VEPH1: variants seen among roughly 807,000 people sequenced by gnomAD.
VEPH1 encodes ventricular zone-expressed PH domain-containing protein homolog 1.
In VEPH1, 80 loss-of-function variants were observed where a neutral mutation model predicts 85.2. The ratio of observed to expected loss-of-function variants is 0.94; its 90% CI spans 0.78 to 1.13. The LOEUF (loss-of-function observed/expected upper bound fraction) is 1.13. VEPH1 is among the 50% of genes most tolerant of loss of function. VEPH1 has a pLI of 0.00. For missense variants in VEPH1, 955 were observed against 980.5 expected, an observed-to-expected ratio of 0.97 and a Z score of 0.35; for synonymous variants, 297 against 348.0, an observed-to-expected ratio of 0.85 and a Z score of 1.63.
rs190851820 is a variant in VEPH1, at chr3:157,485,483, C to T, written c.138+9729G>A. Among the ~76,000 whole-genome samples the T allele has an allele frequency of 6.6e-5, 10 of 152,046 alleles. No homozygotes were observed. In the East Asian group the frequency reaches 1.4e-3, roughly 21 times the overall value. Reference sequence around the variant, plus strand: ...AGTATGTTTGCTAAAATGTTAAAGGCAACTATATTAAAATAATAGAAATAG... The same window carrying T: ...AGTATGTTTGCTAAAATGTTAAAGGTAACTATATTAAAATAATAGAAATAG... On this transcript the variant is annotated intron_variant, in intron 2 of 13. Transcript: ENST00000362010.
intron 2 of VEPH1, among the ~76,000 whole-genome samples, chr3:157,483,147 C>A (rs1224241864): frequency 6.6e-6 from 1 of 151,668 alleles, no homozygotes; most frequent in African/African-American, 2.4e-5. Context: ...CACACACACA[C>A]ACACACAATG....
chr3:157,262,537 A>G (rs1559905134), intron 13 of VEPH1, among the ~76,000 whole-genome samples: 2 of 151,804 alleles, frequency 1.3e-5, no homozygotes, highest in Non-Finnish European at 1.5e-5. Flanking sequence ...CAGAAACATG[A>G]TTTAAAAAAA....
At chr3:157,495,170 C>G in intron 2 of VEPH1, 42 bp downstream of exon 2, 1 of 1,590,638 alleles carries the variant, frequency 6.3e-7, no homozygotes, top group East Asian at 2.2e-5. Context: ...AGCTCTAGGA[C>G]AGGCCATTTC....
At chr3:157,427,890 C>A (rs929155178) in intron 5 of VEPH1, among the ~76,000 whole-genome samples, 3 of 152,204 alleles carry the variant, frequency 2.0e-5, no homozygotes, top group Admixed American at 1.3e-4. Context: ...CTGAATAAAG[C>A]AGATTGCCCC....
intron 4 of VEPH1, chr3:157,437,791 G>T (rs1368509994): frequency 2.7e-6 from 4 of 1,465,116 alleles, no homozygotes; most frequent in South Asian, 1.4e-5. Context: ...TATGGAGGGC[G>T]CGGAGGCGCA....
At chr3:157,360,837 A>G (rs1725978274) in intron 9 of VEPH1, among the ~76,000 whole-genome samples, 1 of 152,184 alleles carries the variant, frequency 6.6e-6, no homozygotes, top group Admixed American at 6.5e-5. Context: ...TAAATCAGGG[A>G]CCATCTGTAA....
intron 9 of VEPH1, among the ~76,000 whole-genome samples, chr3:157,331,546 T>G (rs1027353489): frequency 2.4e-4 from 37 of 152,184 alleles, no homozygotes; most frequent in African/African-American, 8.4e-4. Flanking sequence ...GGGATATATT[T>G]GAGAAATTGG....
intron 7 of VEPH1, among the ~76,000 whole-genome samples, chr3:157,366,407 A>G (rs879404195): frequency 6.6e-5 from 10 of 152,174 alleles, no homozygotes; most frequent in Admixed American, 2.6e-4. Context: ...GTGAGAGGAA[A>G]AACATCCTTA....
At chr3:157,411,703 G>A (rs1214499004) in intron 6 of VEPH1, among the ~76,000 whole-genome samples, 1 of 152,174 alleles carries the variant, frequency 6.6e-6, no homozygotes, top group Admixed American at 6.5e-5. Flanking sequence ...GTCCCAGGAA[G>A]GGGGGTGAAT....
intron 4 of VEPH1, among the ~76,000 whole-genome samples, chr3:157,439,089 G>A (rs1388149452): frequency 6.6e-6 from 1 of 152,064 alleles, no homozygotes; most frequent in Admixed American, 6.6e-5. Flanking sequence ...ACTAAATAGG[G>A]CTTCAGAGGA....
At position 157,364,425 on chromosome 3, in the gene VEPH1, G is replaced by C; in HGVS notation, c.1215C>G (p.Leu405=). The part of the protein sequence containing the change: ...IVTENEDHEK[L]QVKIQAFEDK... Reference sequence around the variant, plus strand: ...CTTCAAAAGCCTGGATTTTAACTTGGAGTTTTTCATGGTCTTCATTTTCAG... The same window carrying C: ...CTTCAAAAGCCTGGATTTTAACTTGCAGTTTTTCATGGTCTTCATTTTCAG... The change falls in exon 8 of 14, where the codon CTC becomes CTG. Residue 405 remains leucine (L), a synonymous_variant. Coordinates refer to ENST00000362010, the MANE Select transcript of VEPH1 (RefSeq NM_001167912.2). 6.2e-7 allele frequency: 1 copy of C among 1,613,946 alleles called. No individual in the cohort carries two copies. Among genetic ancestry groups the C allele is most frequent in the Non-Finnish European group, 8.5e-7 (1 of 1,179,944 alleles).
chr3:157,425,536 T>C (rs185032520), intron 5 of VEPH1, among the ~76,000 whole-genome samples: 44 of 152,332 alleles, frequency 2.9e-4, no homozygotes, highest in African/African-American at 1.0e-3. Flanking sequence ...AATATTTGAC[T>C]GCCCTCCTGG....
At chr3:157,464,793 G>A (rs759827665) in intron 3 of VEPH1, among the ~76,000 whole-genome samples, 1 of 152,142 alleles carries the variant, frequency 6.6e-6, no homozygotes, top group African/African-American at 2.4e-5. Context: ...CAACTAAAAA[G>A]CTCTTTGGCT....
At chr3:157,341,080 C>A (rs1187556798) in intron 9 of VEPH1, among the ~76,000 whole-genome samples, 2 of 152,150 alleles carry the variant, frequency 1.3e-5, no homozygotes, top group African/African-American at 4.8e-5. Flanking sequence ...GGGAAAAAAA[C>A]AGAGCAGAAA....
intron 4 of VEPH1, among the ~76,000 whole-genome samples, chr3:157,459,252 G>A (rs760510927): frequency 2.0e-5 from 3 of 152,166 alleles, no homozygotes; most frequent in East Asian, 1.9e-4. Flanking sequence ...TGCTGGGCTC[G>A]CATGGTGGAA....
intron 9 of VEPH1, among the ~76,000 whole-genome samples, chr3:157,347,833 G>GAAC (rs1206287146): frequency 1.3e-5 from 2 of 152,200 alleles, no homozygotes; most frequent in African/African-American, 4.8e-5. Context: ...CCAGTTTGTA[G>GAAC]AACTGCCAGG....
At chr3:157,357,679 G>A (rs756869192) in intron 9 of VEPH1, among the ~76,000 whole-genome samples, 8 of 152,106 alleles carry the variant, frequency 5.3e-5, no homozygotes, top group Non-Finnish European at 1.0e-4. Context: ...TTTTAGTAGA[G>A]ATGGGGTTTT....
chr3:157,425,376 C>T (rs1433519234), intron 5 of VEPH1, among the ~76,000 whole-genome samples: 1 of 152,158 alleles, frequency 6.6e-6, no homozygotes, highest in Non-Finnish European at 1.5e-5. Flanking sequence ...CACAGAGTCC[C>T]TACTGGGGCA....
In VEPH1 at chr3:157,364,234, C is replaced by A. The variant is rs1021599437; in HGVS notation, c.1337+69G>T. On this transcript the variant is annotated intron_variant, in intron 8 of 13. Transcript: ENST00000362010. ...AAGATATATAAAAAACACCCCATAA[C>A]AGAGTGATAACAAAGCTAATAGCGA... 4.0e-6 allele frequency: 5 copies of A among 1,264,846 alleles called. No individual in the cohort carries two copies. In the African/African-American group the frequency reaches 6.0e-5, roughly 15 times the overall value. 78.4% of individuals were successfully genotyped at this position (1,264,846 alleles called of 1,614,324 possible). A position where few individuals can be genotyped will look rare whatever the true frequency, so the allele number is the denominator to read the frequency against.
Sources: allele counts gnomAD v4.1 joint callset (sites outside exome capture counted in the v4.1 genomes callset), GRCh38; gene constraint gnomAD v4.1.1; transcripts MANE v1.5; gene names NCBI Gene and HGNC (gene_info 2026-07-23, HGNC 2026-07-21).